The following CDH3 variants were observed in gnomAD, a reference collection of about 807,000 sequenced individuals.
CDH3 encodes the protein cadherin-3.
Under a neutral mutation model 82.0 loss-of-function variants are expected in CDH3, and 54 were observed. That is an observed-to-expected ratio of 0.66 (90% CI 0.53 to 0.83). The LOEUF is 0.83. CDH3 is among the 40% of genes least tolerant of loss of function. The pLI is 0.00. For synonymous variants in CDH3, 446 were observed against 437.9 expected, an observed-to-expected ratio of 1.02 and a Z score of -0.23; for missense variants, 1,054 against 1,084.6, an observed-to-expected ratio of 0.97 and a Z score of 0.40.
chr16:68,662,420 TA>T (rs1357015834), intron 2 of CDH3, among the ~76,000 whole-genome samples: 1 of 152,112 alleles, frequency 6.6e-6, no homozygotes, highest in Non-Finnish European at 1.5e-5. Context: ...ACTGCATTTG[TA>T]AACAGTCACT....
At chr16:68,705,921 G>A (rs532879775) in intron 1 of CDH3, among the ~76,000 whole-genome samples, 4 of 151,412 alleles carry the variant, frequency 2.6e-5, no homozygotes, top group East Asian at 4.0e-4. Context: ...AAACATTAGC[G>A]CGGCGTGGTG....
Position 68,697,701 on chromosome 16 carries a change from A to G in CDH3, c.2281-490A>G, listed in dbSNP as rs146455615. On this transcript the variant is annotated intron_variant, in intron 15 of 15. Coordinates refer to ENST00000264012, the MANE Select transcript of CDH3 (RefSeq NM_001793.6). Reference sequence around the variant, plus strand: ...TGACCTAGCATGTAGCGCTTATTAGATAATGATAGCTATTGTTGCGAGGTG... The same window carrying G: ...TGACCTAGCATGTAGCGCTTATTAGGTAATGATAGCTATTGTTGCGAGGTG... Among the ~76,000 whole-genome samples, 154 of 152,328 alleles carry G rather than the reference A, an allele frequency of 1.0e-3. 3 individuals carry two copies. In the East Asian group the frequency reaches 0.021, roughly 21 times the overall value.
intron 2 of CDH3, among the ~76,000 whole-genome samples, chr16:68,657,311 C>A (rs1361496409): frequency 6.6e-6 from 1 of 152,000 alleles, no homozygotes; most frequent in Admixed American, 6.6e-5. Flanking sequence ...CTCGGGAGTT[C>A]GAGACCAGCC....
intron 2 of CDH3, among the ~76,000 whole-genome samples, chr16:68,658,380 C>G (rs558397921): frequency 9.9e-5 from 15 of 152,256 alleles, no homozygotes; most frequent in African/African-American, 3.4e-4. Flanking sequence ...ATGATGTGGC[C>G]TGAGGCGAGT....
chr16:68,653,672 C>CTT (rs1420524942), intron 2 of CDH3, among the ~76,000 whole-genome samples: 1 of 150,470 alleles, frequency 6.6e-6, no homozygotes, highest in Non-Finnish European at 1.5e-5. Context: ...CCCTGAATTT[C>CTT]TTTTCTTTTC....
chr16:68,670,878 C>T (rs1960866222), intron 2 of CDH3, among the ~76,000 whole-genome samples: 1 of 151,954 alleles, frequency 6.6e-6, no homozygotes, highest in South Asian at 2.1e-4. Flanking sequence ...TTCGAGACCA[C>T]CCTGGCCAAC....
At position 68,678,595 on chromosome 16, in the gene CDH3, A is replaced by C. The variant is rs1188648525; in HGVS notation, c.485A>C (p.Lys162Thr). The change falls in exon 5 of 16, where the codon AAG (lysine) becomes ACG (threonine). Residue 162 changes from lysine (K) to threonine (T), a missense_variant. Physicochemically the swap from Lys to Thr is moderately conservative, Grantham distance 78. Coordinates refer to ENST00000264012, the MANE Select transcript of CDH3 (RefSeq NM_001793.6). ...CCTGAGGGTGTCTTCGCTGTAGAGA[A>C]GGAGACAGGCTGGTTGTTGTTGAAT... ...SPPEGVFAVE[K>T]ETGWLLLNKP... 1 of 1,614,262 alleles carries C rather than the reference A, an allele frequency of 6.2e-7. No individual in the cohort carries two copies. The highest frequency in any genetic ancestry group is 1.7e-5 in the Admixed American group (1 of 60,036).
chr16:68,692,405 A>G (rs1393804759), intron 13 of CDH3, among the ~76,000 whole-genome samples: 1 of 152,160 alleles, frequency 6.6e-6, no homozygotes, highest in Non-Finnish European at 1.5e-5. Flanking sequence ...TGTGGAATGT[A>G]CCAGGCTTTG....
downstream of CDH3, among the ~76,000 whole-genome samples, chr16:68,728,367 G>C (rs924660592): frequency 6.6e-6 from 1 of 151,714 alleles, no homozygotes. Flanking sequence ...GGGTTTCACC[G>C]TGTTAGCCAG....
intron 1 of CDH3, among the ~76,000 whole-genome samples, chr16:68,714,231 G>GC (rs1962066440): frequency 6.6e-6 from 1 of 152,126 alleles, no homozygotes; most frequent in Non-Finnish European, 1.5e-5. Context: ...ACCGCACCCA[G>GC]CCCCCCAGTT....
intron 12 of CDH3, among the ~76,000 whole-genome samples, chr16:68,690,584 G>A (rs1189759416): frequency 6.6e-6 from 1 of 150,578 alleles, no homozygotes; most frequent in African/African-American, 2.4e-5. Flanking sequence ...CTGTACTCCA[G>A]CCTGAGTGAT....
chr16:68,682,211 G>T, intron 8 of CDH3, 91 bp from the exon 9 acceptor site: 2 of 1,407,476 alleles, frequency 1.4e-6, no homozygotes, highest in Non-Finnish European at 2.0e-6. Context: ...AAAGGCATGG[G>T]GATCCCCTGA....
chr16:68,664,897 G>A (rs1030542874), intron 2 of CDH3, among the ~76,000 whole-genome samples: 2 of 151,912 alleles, frequency 1.3e-5, no homozygotes, highest in African/African-American at 2.4e-5. Context: ...TGACCCACCC[G>A]CCTTGGCCTC....
chr16:68,682,562 CTGTCTACCGT>C, intron 9 of CDH3, 75 bp downstream of exon 9: 2 of 1,410,168 alleles, frequency 1.4e-6, no homozygotes, highest in Non-Finnish European at 2.0e-6. Context: ...TGAGGAGCCA[CTGTCTACCGT>C]GGGCTAGTCC....
At chr16:68,657,544 A>AC (rs1960440330) in intron 2 of CDH3, among the ~76,000 whole-genome samples, 1 of 151,940 alleles carries the variant, frequency 6.6e-6, no homozygotes, top group South Asian at 2.1e-4. Context: ...TTCTCCCTCG[A>AC]CCCCATCTTT....
At chr16:68,705,451 C>T (rs898515806) in intron 1 of CDH3, among the ~76,000 whole-genome samples, 1 of 151,904 alleles carries the variant, frequency 6.6e-6, no homozygotes, top group Non-Finnish European at 1.5e-5. Context: ...GATACAGTCT[C>T]GCTCTATCCC....
intron 7 of CDH3, 42 bp downstream of exon 7, chr16:68,680,016 C>G (rs745933391): frequency 6.3e-7 from 1 of 1,591,682 alleles, no homozygotes; most frequent in Admixed American, 1.7e-5. Context: ...CCAGACTTGC[C>G]CAGGCTGGGA....
At chr16:68,721,529 C>T (rs1480393082) in intron 1 of CDH3, among the ~76,000 whole-genome samples, 1 of 152,116 alleles carries the variant, frequency 6.6e-6, no homozygotes, top group South Asian at 2.1e-4. Flanking sequence ...CCACCGCACC[C>T]GGCCACAGTT....
chr16:68,678,065 T>C (rs1171956359), intron 3 of CDH3, 69 bp from the exon 4 acceptor site: 27 of 1,419,732 alleles, frequency 1.9e-5, no homozygotes, highest in Non-Finnish European at 2.5e-5. Flanking sequence ...TTAACTCTTA[T>C]AGGTGAGAGG....
Sources: gnomAD v4.1 joint callset for allele counts (sites outside exome capture counted in the v4.1 genomes callset) on GRCh38, gnomAD v4.1.1 for gene constraint, MANE v1.5 for transcripts, NCBI Gene and HGNC (gene_info 2026-07-23, HGNC 2026-07-21) for gene names.